CPXM2: variants seen among roughly 807,000 people sequenced by gnomAD.
CPXM2 encodes inactive carboxypeptidase-like protein X2.
Under a neutral mutation model 86.1 loss-of-function variants are expected in CPXM2, and 66 were observed. The observed-to-expected ratio is 0.77, with a 90% CI of 0.63 to 0.94. CPXM2 has a LOEUF of 0.94. Among genes scored for constraint, CPXM2 ranks in the 40% least tolerant of loss-of-function variants. CPXM2 has a pLI of 0.00. For synonymous variants in CPXM2, 388 were observed against 400.2 expected, an observed-to-expected ratio of 0.97 and a Z score of 0.36; for missense variants, 948 against 1,026.3, an observed-to-expected ratio of 0.92 and a Z score of 1.04.
intron 4 of CPXM2, among the ~76,000 whole-genome samples, chr10:123,832,481 G>C (rs1023328602): frequency 6.6e-6 from 1 of 152,130 alleles, no homozygotes; most frequent in Non-Finnish European, 1.5e-5. Flanking sequence ...TTGAGTGTGT[G>C]TCCCTCCAAA....
chr10:123,876,678 T>C (rs1371643997), intron 2 of CPXM2, among the ~76,000 whole-genome samples: 1 of 152,206 alleles, frequency 6.6e-6, no homozygotes, highest in African/African-American at 2.4e-5. Flanking sequence ...ATTTTGGCTC[T>C]TAGCTACTAA....
chr10:123,841,245 G>C (rs11248298), intron 4 of CPXM2, among the ~76,000 whole-genome samples: 41,424 of 152,062 alleles, frequency 0.27, 6,041 homozygotes, highest in Middle Eastern at 0.41. Flanking sequence ...CCACATGGCT[G>C]GAGCCACACA....
intron 4 of CPXM2, 150 bp from the exon 5 acceptor site, chr10:123,799,349 G>C: frequency 1.3e-6 from 1 of 768,402 alleles, no homozygotes. Flanking sequence ...TGTGACCTCA[G>C]TCAGGTAACT....
At chr10:123,794,765 GTGTGCGCA>G (rs1201944395) in intron 6 of CPXM2, among the ~76,000 whole-genome samples, 1 of 150,178 alleles carries the variant, frequency 6.7e-6, no homozygotes, top group African/African-American at 2.5e-5. Context: ...GTGTGTGTGT[GTGTGCGCA>G]TGTGTGTGTG....
chr10:123,753,636 G>C (rs1846130269), intron 13 of CPXM2, among the ~76,000 whole-genome samples: 1 of 152,222 alleles, frequency 6.6e-6, no homozygotes, highest in African/African-American at 2.4e-5. Flanking sequence ...GTGGGGAACA[G>C]CTCCTTGTTC....
chr10:123,767,906 C>T (rs1846520757), intron 9 of CPXM2, among the ~76,000 whole-genome samples: 1 of 152,132 alleles, frequency 6.6e-6, no homozygotes, highest in South Asian at 2.1e-4. Context: ...TGATTAAGTC[C>T]TCAGCCAACA....
intron 3 of CPXM2, among the ~76,000 whole-genome samples, chr10:123,842,884 G>C (rs1460366805): frequency 6.6e-6 from 1 of 152,212 alleles, no homozygotes; most frequent in African/African-American, 2.4e-5. Context: ...TGTGAAAATA[G>C]ATGAATTAGA....
At chr10:123,910,222 C>G (rs987408894) in intron 2 of CPXM2, among the ~76,000 whole-genome samples, 1 of 152,186 alleles carries the variant, frequency 6.6e-6, no homozygotes, top group Admixed American at 6.5e-5. Context: ...CTCACCCATG[C>G]CAGACAGGTG....
At chr10:123,836,142 G>T (rs1848275381) in intron 4 of CPXM2, among the ~76,000 whole-genome samples, 1 of 152,028 alleles carries the variant, frequency 6.6e-6, no homozygotes, top group Non-Finnish European at 1.5e-5. Flanking sequence ...CAACGGGGAT[G>T]GTGCTGAGTA....
intron 3 of CPXM2, among the ~76,000 whole-genome samples, chr10:123,858,623 G>A (rs1216242318): frequency 6.6e-6 from 1 of 152,158 alleles, no homozygotes; most frequent in Non-Finnish European, 1.5e-5. Context: ...ATAAGGCAGA[G>A]GTAATAATAA....
At chr10:123,819,831 T>C (rs1847888673) in intron 4 of CPXM2, among the ~76,000 whole-genome samples, 1 of 152,212 alleles carries the variant, frequency 6.6e-6, no homozygotes, top group African/African-American at 2.4e-5. Flanking sequence ...CTTGATTGGC[T>C]TGAAGGATGC....
At chr10:123,898,193 T>C (rs778128754) in intron 2 of CPXM2, among the ~76,000 whole-genome samples, 3 of 151,804 alleles carry the variant, frequency 2.0e-5, no homozygotes, top group Non-Finnish European at 4.4e-5. Context: ...TCTAATAAAT[T>C]CCTAGAAAAA....
intron 6 of CPXM2, among the ~76,000 whole-genome samples, chr10:123,794,733 C>CTGTGTGTGTGTG (rs1564772706): frequency 3.4e-5 from 4 of 116,010 alleles, no homozygotes; most frequent in Non-Finnish European, 7.3e-5. Flanking sequence ...TTATTTAAGA[C>CTGTGTGTGTGTG]CGTGTGTGTG....
intron 2 of CPXM2, among the ~76,000 whole-genome samples, chr10:123,902,382 G>C (rs1490182277): frequency 2.0e-5 from 3 of 152,188 alleles, no homozygotes; most frequent in African/African-American, 7.2e-5. Context: ...GTCCTAACCT[G>C]ATAGAGAATT....
chr10:123,920,999 C>T (rs1249597484), intron 2 of CPXM2, among the ~76,000 whole-genome samples: 11 of 152,106 alleles, frequency 7.2e-5, no homozygotes, highest in Admixed American at 5.2e-4. Flanking sequence ...TTGTAAGTTA[C>T]CCAGTTTGTG....
chr10:123,807,101 C>A (rs567374039), intron 4 of CPXM2, among the ~76,000 whole-genome samples: 4 of 152,242 alleles, frequency 2.6e-5, no homozygotes, highest in Non-Finnish European at 5.9e-5. Context: ...GTGCCTGGCA[C>A]GTAGTAACTG....
intron 1 of CPXM2, among the ~76,000 whole-genome samples, chr10:123,883,210 G>A (rs1945122595): frequency 6.6e-6 from 1 of 152,250 alleles, no homozygotes; most frequent in Admixed American, 6.5e-5. Context: ...GCAGGGGGAT[G>A]GAGGGTAGGA....
rs58426742 is a variant in CPXM2, at chr10:123,798,141, G to A, written c.739-15C>T. The A allele has an allele frequency of 4.0e-3, 6,246 of 1,574,202 alleles. 125 individuals are homozygous for A. In the African/African-American group the frequency reaches 0.059, roughly 15 times the overall value. ...CCCTCAAATATCTATTTATGCTCATGGGAGAAAAGGAAAATCTTTTAGTGC... is the reference window on the plus strand; with the variant it reads ...CCCTCAAATATCTATTTATGCTCATAGGAGAAAAGGAAAATCTTTTAGTGC... On this transcript the variant is annotated splice_polypyrimidine_tract_variant and intron_variant, in intron 5 of 13. Coordinates refer to ENST00000241305, the MANE Select transcript of CPXM2 (RefSeq NM_198148.3).
intron 10 of CPXM2, among the ~76,000 whole-genome samples, chr10:123,764,267 T>C (rs1189489780): frequency 1.3e-5 from 2 of 152,202 alleles, no homozygotes; most frequent in South Asian, 2.1e-4. Context: ...CTTATCTCCA[T>C]GTAGTCGAAT....
Sources: gnomAD v4.1 joint callset for allele counts (sites outside exome capture counted in the v4.1 genomes callset) on GRCh38, gnomAD v4.1.1 for gene constraint, MANE v1.5 for transcripts, NCBI Gene and HGNC (gene_info 2026-07-23, HGNC 2026-07-21) for gene names.